The following DCDC1 variants were observed in gnomAD, a reference collection of about 807,000 sequenced individuals.
DCDC1 encodes the protein doublecortin domain containing 1.
Under a neutral mutation model 178.3 loss-of-function variants are expected in DCDC1, and 200 were observed. The ratio of observed to expected loss-of-function variants is 1.12; its 90% CI spans 1.00 to 1.26. DCDC1 has a LOEUF of 1.26. Among genes scored for constraint, DCDC1 ranks in the 50% most tolerant of loss-of-function variants. The probability of loss-of-function intolerance (pLI) is 0.00; values close to 1 mark genes in which losing one functional copy is unlikely to be tolerated. For missense variants in DCDC1, 1,983 were observed against 1,749.2 expected (o/e 1.13, Z -2.38); for synonymous variants, 690 against 604.8 (o/e 1.14, Z -2.07).
chr11:31,185,225 CAG>C (rs1969333987), intron 9 of DCDC1, among the ~76,000 whole-genome samples: 1 of 152,080 alleles, frequency 6.6e-6, no homozygotes, highest in Non-Finnish European at 1.5e-5. Context: ...CACAGGGACA[CAG>C]GGAGGAGAAC....
chr11:31,277,943 T>A (rs1270089556), intron 7 of DCDC1, among the ~76,000 whole-genome samples: 1 of 152,176 alleles, frequency 6.6e-6, no homozygotes, highest in Non-Finnish European at 1.5e-5. Flanking sequence ...TTTTTGTTCA[T>A]ATTTTTTGTG....
intron 20 of DCDC1, among the ~76,000 whole-genome samples, chr11:31,011,895 C>G (rs192257071): frequency 6.6e-6 from 1 of 151,962 alleles, no homozygotes; most frequent in African/African-American, 2.4e-5. Flanking sequence ...GATTTGTGTC[C>G]CCGCCCAAAT....
intron 3 of DCDC1, 83 bp downstream of exon 3, chr11:31,328,034 C>T (rs1949743215): frequency 1.4e-6 from 2 of 1,398,532 alleles, no homozygotes; most frequent in African/African-American, 1.4e-5. Context: ...CCGGCCAAGA[C>T]TGATTGAAAA....
intron 7 of DCDC1, among the ~76,000 whole-genome samples, chr11:31,283,199 C>T (rs1284108458): frequency 6.6e-6 from 1 of 152,142 alleles, no homozygotes; most frequent in Non-Finnish European, 1.5e-5. Flanking sequence ...TCCAATTATA[C>T]GTCTATTAGA....
intron 8 of DCDC1, among the ~76,000 whole-genome samples, chr11:31,264,133 T>C (rs1413390780): frequency 6.6e-6 from 1 of 152,204 alleles, no homozygotes; most frequent in African/African-American, 2.4e-5. Flanking sequence ...GCCACATTTA[T>C]GAGTGTCAGC....
At chr11:31,225,449 A>G (rs1974807554) in intron 9 of DCDC1, among the ~76,000 whole-genome samples, 1 of 151,890 alleles carries the variant, frequency 6.6e-6, no homozygotes, top group Non-Finnish European at 1.5e-5. Context: ...GTGCATCAAA[A>G]TCTCAGAAAT....
At chr11:31,148,790 G>A (rs1480363350) in intron 9 of DCDC1, among the ~76,000 whole-genome samples, 1 of 151,528 alleles carries the variant, frequency 6.6e-6, no homozygotes, top group Non-Finnish European at 1.5e-5. Flanking sequence ...GATGGTTTTC[G>A]GTTACATGGA....
intron 9 of DCDC1, among the ~76,000 whole-genome samples, chr11:31,197,783 G>T (rs559532012): frequency 1.9e-4 from 29 of 152,006 alleles, no homozygotes; most frequent in Non-Finnish European, 4.1e-4. Context: ...AATCTATATT[G>T]CTCCTTTCCT....
intron 1 of DCDC1, among the ~76,000 whole-genome samples, chr11:31,365,777 A>T (rs776249931): frequency 2.9e-4 from 44 of 152,178 alleles, no homozygotes; most frequent in Non-Finnish European, 6.0e-4. Flanking sequence ...ATATACGCCT[A>T]CCTTGGTTAT....
intron 25 of DCDC1, among the ~76,000 whole-genome samples, chr11:30,917,728 A>G (rs766153825): frequency 6.6e-6 from 1 of 152,182 alleles, no homozygotes; most frequent in Non-Finnish European, 1.5e-5. Context: ...TGATATGAGG[A>G]CTGCTTGACT....
intron 20 of DCDC1, among the ~76,000 whole-genome samples, chr11:31,047,045 C>T (rs11031267): frequency 0.015 from 2,283 of 152,180 alleles, 45 homozygotes; most frequent in African/African-American, 0.052. Context: ...CCATTCTTTC[C>T]CACACTCTTG....
chr11:31,162,751 T>C (rs1966423315), intron 9 of DCDC1, among the ~76,000 whole-genome samples: 1 of 152,164 alleles, frequency 6.6e-6, no homozygotes, highest in African/African-American at 2.4e-5. Flanking sequence ...CAACTTTTGT[T>C]CCAAGGATAT....
chr11:31,004,727 G>T (rs2135058018), intron 20 of DCDC1, among the ~76,000 whole-genome samples: 1 of 151,150 alleles, frequency 6.6e-6, no homozygotes, highest in South Asian at 2.1e-4. Context: ...CAGACTGACG[G>T]GGTTCAAATT....
At chr11:30,933,051 A>T (rs941278530) in intron 21 of DCDC1, among the ~76,000 whole-genome samples, 19 of 152,038 alleles carry the variant, frequency 1.2e-4, no homozygotes, top group Non-Finnish European at 1.0e-4. Flanking sequence ...GTTAATCTGC[A>T]ATGACCATCC....
chr11:31,279,844 C>G (rs1946293993), intron 7 of DCDC1, among the ~76,000 whole-genome samples: 1 of 151,768 alleles, frequency 6.6e-6, no homozygotes, highest in South Asian at 2.1e-4. Context: ...AAGTAACAAA[C>G]CTGAACGTTC....
At chr11:31,208,037 A>G (rs1202505791) in intron 9 of DCDC1, among the ~76,000 whole-genome samples, 2 of 152,254 alleles carry the variant, frequency 1.3e-5, no homozygotes, top group Non-Finnish European at 1.5e-5. Flanking sequence ...CAGCCACTGG[A>G]CATTGCAGAG....
chr11:30,978,185 T>C (rs1950202357), intron 20 of DCDC1, among the ~76,000 whole-genome samples: 1 of 152,206 alleles, frequency 6.6e-6, no homozygotes, highest in African/African-American at 2.4e-5. Flanking sequence ...CAATTGTAGG[T>C]GACTTACCTA....
intron 9 of DCDC1, among the ~76,000 whole-genome samples, chr11:31,174,982 TA>T (rs1439380587): frequency 1.3e-5 from 2 of 152,186 alleles, no homozygotes; most frequent in Non-Finnish European, 1.5e-5. Flanking sequence ...AAAAGAAATG[TA>T]ACACAAACAG....
intron 17 of DCDC1, among the ~76,000 whole-genome samples, chr11:31,090,735 GC>G (rs1291043179): frequency 6.6e-6 from 1 of 152,134 alleles, no homozygotes; most frequent in Non-Finnish European, 1.5e-5. Flanking sequence ...TATCCTAAGT[GC>G]CTATATAGCC....
Sources: allele counts gnomAD v4.1 joint callset (sites outside exome capture counted in the v4.1 genomes callset), GRCh38; gene constraint gnomAD v4.1.1; transcripts MANE v1.5; gene names NCBI Gene and HGNC (gene_info 2026-07-23, HGNC 2026-07-21).